RLN3: variants seen among roughly 807,000 people sequenced by gnomAD.
The protein encoded by RLN3 is relaxin 3, also known as relaxin-3.
In RLN3, 13 loss-of-function variants were observed where a neutral mutation model predicts 10.2. The ratio of observed to expected loss-of-function variants is 1.28; its 90% CI spans 0.83 to 2.03. The LOEUF (loss-of-function observed/expected upper bound fraction) is 2.03. Ranked by LOEUF, RLN3 falls within the 30% of genes most tolerant of loss-of-function variation. RLN3 has a pLI of 0.00. For missense variants in RLN3, 191 were observed against 187.2 expected, an observed-to-expected ratio of 1.02 and a Z score of -0.12; for synonymous variants, 56 against 79.2, an observed-to-expected ratio of 0.71 and a Z score of 1.56.
Position 14,031,037 on chromosome 19 carries a change from G to A in RLN3, c.*89G>A, listed in dbSNP as rs1732404271. On this transcript the variant is annotated 3_prime_UTR_variant, in exon 2 of 2. Coordinates refer to ENST00000431365, the MANE Select transcript of RLN3 (RefSeq NM_080864.4). The stretch of plus-strand genomic sequence containing the variant: ...GTGTCTGGCTGGGCACCTGTCTTTC[G>A]AGCCTCACACATTCATTCATTCATC... The A allele has an allele frequency of 1.5e-5, 14 of 911,036 alleles. No homozygotes were observed. Among genetic ancestry groups the A allele is most frequent in the South Asian group, 3.2e-5 (2 of 62,122 alleles). The allele number at this position is 911,036 out of a possible 1,614,324, so 56.4% of individuals were successfully genotyped here. A position where few individuals can be genotyped will look rare whatever the true frequency, so the allele number is the denominator to read the frequency against.
rs759196280 is a variant in RLN3, at chr19:14,028,252, C to G, written c.48C>G (p.Thr16=). 5 of 1,612,270 alleles carry G rather than the reference C, an allele frequency of 3.1e-6. No homozygotes were observed. The Admixed American group carries it at 8.4e-5, about 27-fold the overall frequency. Residue 16 remains threonine (T), a synonymous_variant, in exon 1 of 2, where the codon ACC becomes ACG. Coordinates refer to ENST00000431365, the MANE Select transcript of RLN3 (RefSeq NM_080864.4). ...LLLLLAVWVL[T]GELWPGAEAR... ...TGCTCCTGGCGGTATGGGTGCTGACCGGGGAGCTGTGGCCGGGAGCTGAGG... is the reference window on the plus strand; with the variant it reads ...TGCTCCTGGCGGTATGGGTGCTGACGGGGGAGCTGTGGCCGGGAGCTGAGG...
chr19:14,031,099 C>A lies in RLN3; in HGVS notation c.*151C>A. On this transcript the variant is annotated 3_prime_UTR_variant, in exon 2 of 2. Coordinates refer to ENST00000431365, the MANE Select transcript of RLN3 (RefSeq NM_080864.4). ...GAGGCACTGTGGGCTCAGGCACAGT[C>A]TCCCGACACCACCTATCCAACCCTG... 1.6e-6 allele frequency: 1 copy of A among 635,114 alleles called. No individual in the cohort carries two copies. Among genetic ancestry groups the A allele is most frequent in the South Asian group, 1.9e-5 (1 of 52,778 alleles). 39.3% of individuals were successfully genotyped at this position (635,114 alleles called of 1,614,324 possible). A position where few individuals can be genotyped will look rare whatever the true frequency, so the allele number is the denominator to read the frequency against.
In RLN3 at chr19:14,030,806, C is replaced by T. The variant is rs1425553674; in HGVS notation, c.287C>T (p.Ser96Leu). 2.5e-6 allele frequency: 4 copies of T among 1,614,150 alleles called. No homozygotes were observed. Among genetic ancestry groups the T allele is most frequent in the Non-Finnish European group, 3.4e-6 (4 of 1,180,004 alleles). ...GSSEWLALTK[S>L]PQAFYRGRPS... ...AGCGAGTGGCTGGCCCTGACCAAGT[C>T]ACCCCAGGCCTTTTACAGGGGGCGA... The change falls in exon 2 of 2, where the codon TCA (serine) becomes TTA (leucine). Residue 96 changes from serine to leucine, a missense_variant. Ser to Leu is a moderately radical substitution (Grantham distance 145). Coordinates refer to ENST00000431365, the MANE Select transcript of RLN3 (RefSeq NM_080864.4).
At chr19:14,030,005 T>C (rs1357400722) in intron 1 of RLN3, among the ~76,000 whole-genome samples, 1 of 151,726 alleles carries the variant, frequency 6.6e-6, no homozygotes, top group Admixed American at 6.6e-5. Context: ...TTATTATTTG[T>C]AGAGACAGGG....
Position 14,030,220 on chromosome 19 carries a change from G to A in RLN3, c.191-490G>A, listed in dbSNP as rs1474537673. 3 of 700,118 alleles carry A rather than the reference G, an allele frequency of 4.3e-6. No individual in the cohort carries two copies. The South Asian group carries it at 4.5e-5, about 10-fold the overall frequency. The allele number at this position is 700,118 out of a possible 1,614,324, so 43.4% of individuals were successfully genotyped here. ...CCTTATAAAACTTGAGAAGGTTGGA[G>A]TAATTATTTTTTTCCACTTTGCAGA... On this transcript the variant is annotated intron_variant, in intron 1 of 1. Transcript: ENST00000431365.
In RLN3 at chr19:14,028,231, C is replaced by A; in HGVS notation, c.27C>A (p.Leu9=). 6.2e-7 allele frequency: 1 copy of A among 1,605,798 alleles called. No individual in the cohort carries two copies. Among genetic ancestry groups the A allele is most frequent in the South Asian group, 1.1e-5 (1 of 90,106 alleles). ...TGGCCAGGTACATGCTGCTGCTGCT[C>A]CTGGCGGTATGGGTGCTGACCGGGG... MARYMLLL[L]LAVWVLTGEL... The change falls in exon 1 of 2, where the codon CTC becomes CTA. Residue 9 remains leucine (L), a synonymous_variant. Transcript: ENST00000431365.
chr19:14,028,458 A>C (rs919290072), intron 1 of RLN3, 64 bp downstream of exon 1: 2 of 1,452,592 alleles, frequency 1.4e-6, no homozygotes. Flanking sequence ...CCAGGAGCTA[A>C]GGACAGAGAT....
Position 14,031,039 on chromosome 19 carries a change from G to C in RLN3, c.*91G>C. On this transcript the variant is annotated 3_prime_UTR_variant, in exon 2 of 2. Coordinates refer to ENST00000431365, the MANE Select transcript of RLN3 (RefSeq NM_080864.4). ...GTCTGGCTGGGCACCTGTCTTTCGAGCCTCACACATTCATTCATTCATCTA... is the reference window on the plus strand; with the variant it reads ...GTCTGGCTGGGCACCTGTCTTTCGACCCTCACACATTCATTCATTCATCTA... 1 of 889,224 alleles carries C rather than the reference G, an allele frequency of 1.1e-6. No homozygotes were observed. The highest frequency in any genetic ancestry group is 1.6e-5 in the South Asian group (1 of 61,652). 55.1% of individuals were successfully genotyped at this position (889,224 alleles called of 1,614,324 possible).
Position 14,030,976 on chromosome 19 carries a change from A to G in RLN3, c.*28A>G. Reference sequence around the variant, plus strand: ...TGAGGGCTGGGCAGCCGTGGGCACCAGGACCAATGCCCCAGTCCTGCCATC... The same window carrying G: ...TGAGGGCTGGGCAGCCGTGGGCACCGGGACCAATGCCCCAGTCCTGCCATC... On this transcript the variant is annotated 3_prime_UTR_variant, in exon 2 of 2. Coordinates refer to ENST00000431365, the MANE Select transcript of RLN3 (RefSeq NM_080864.4). The G allele has an allele frequency of 6.9e-7, 1 of 1,451,144 alleles. No homozygotes were observed. Among genetic ancestry groups the G allele is most frequent in the South Asian group, 1.3e-5 (1 of 75,990 alleles). The allele number at this position is 1,451,144 out of a possible 1,614,324, so 89.9% of individuals were successfully genotyped here.
At position 14,030,778 on chromosome 19, in the gene RLN3, T is replaced by TC; in HGVS notation, c.261dup (p.Ser88GlnfsTer47). The TC allele has an allele frequency of 6.2e-7, 1 of 1,614,122 alleles. No homozygotes were observed. The highest frequency in any genetic ancestry group is 8.5e-7 in the Non-Finnish European group (1 of 1,180,012). The stretch of plus-strand genomic sequence containing the variant: ...AGGCGAGCTGGATGAGGCCATGGGG[T>TC]CCAGCGAGTGGCTGGCCCTGACCAA... On this transcript the variant is annotated frameshift_variant, in exon 2 of 2. Coordinates refer to ENST00000431365, the MANE Select transcript of RLN3 (RefSeq NM_080864.4). LOFTEE classifies it low-confidence loss of function (END_TRUNC).
At position 14,028,513 on chromosome 19, in the gene RLN3, C is replaced by T. The variant is rs1311505827; in HGVS notation, c.190+119C>T. The T allele has an allele frequency of 8.5e-6, 7 of 827,840 alleles. No individual in the cohort carries two copies. The East Asian group carries it at 1.9e-4, about 23-fold the overall frequency. 51.3% of individuals were successfully genotyped at this position (827,840 alleles called of 1,614,324 possible). A position where few individuals can be genotyped will look rare whatever the true frequency, so the allele number is the denominator to read the frequency against. ...AGGAGGGTCCCTGTCCTGCCACATT[C>T]AGCCAGGGACACCTGCCCAGCCTTG... On this transcript the variant is annotated intron_variant, in intron 1 of 1. Transcript: ENST00000431365.
intron 1 of RLN3, among the ~76,000 whole-genome samples, chr19:14,028,662 G>T (rs1322902655): frequency 6.6e-6 from 1 of 152,130 alleles, no homozygotes; most frequent in Admixed American, 6.6e-5. Flanking sequence ...AGACAACACC[G>T]AAGTGTTTTC....
Position 14,031,046 on chromosome 19 carries a change from ACATTCATT to A in RLN3, c.*106_*113del. 4 of 838,992 alleles carry A rather than the reference ACATTCATT, an allele frequency of 4.8e-6. No individual in the cohort carries two copies. Among genetic ancestry groups the A allele is most frequent in the Non-Finnish European group, 3.8e-6 (2 of 520,940 alleles). The allele number at this position is 838,992 out of a possible 1,614,324, so 52.0% of individuals were successfully genotyped here. A position where few individuals can be genotyped will look rare whatever the true frequency, so the allele number is the denominator to read the frequency against. On this transcript the variant is annotated 3_prime_UTR_variant, in exon 2 of 2. Coordinates refer to ENST00000431365, the MANE Select transcript of RLN3 (RefSeq NM_080864.4). ...TGGGCACCTGTCTTTCGAGCCTCAC[ACATTCATT>A]CATTCATCTACAAGTCACAGAGGCA...
chr19:14,030,169 G>GTTTTT lies in RLN3; in HGVS notation c.191-534_191-530dup, dbSNP rs553569365. 3 of 455,862 alleles carry GTTTTT rather than the reference G, an allele frequency of 6.6e-6. No individual in the cohort carries two copies. The Admixed American group carries it at 1.0e-4, about 16-fold the overall frequency. The allele number at this position is 455,862 out of a possible 1,614,324, so 28.2% of individuals were successfully genotyped here. ...CATCATGTTCCAGACATTGTTCTAAGTTTTTTTTTTTAATGAATATTAACT... is the reference window on the plus strand; with the variant it reads ...CATCATGTTCCAGACATTGTTCTAAGTTTTTTTTTTTTTTTTAATGAATATTAACT... On this transcript the variant is annotated intron_variant, in intron 1 of 1. Transcript: ENST00000431365.
chr19:14,030,907 A>C lies in RLN3; in HGVS notation c.388A>C (p.Lys130Gln). 6.3e-7 allele frequency: 1 copy of C among 1,593,486 alleles called. No homozygotes were observed. Among genetic ancestry groups the C allele is most frequent in the South Asian group, 1.1e-5 (1 of 89,362 alleles). ...VLAGLSSSCC[K>Q]WGCSKSEISS... ...GGCTGGCCTTTCCAGCAGCTGCTGC[A>C]AGTGGGGGTGTAGCAAAAGTGAAAT... Residue 130 changes from lysine (K) to glutamine (Q), a missense_variant, in exon 2 of 2, where the codon AAG becomes CAG. Transcript: ENST00000431365.
chr19:14,028,998 C>T (rs1174100889), intron 1 of RLN3, among the ~76,000 whole-genome samples: 4 of 151,992 alleles, frequency 2.6e-5, no homozygotes, highest in Admixed American at 6.6e-5. Flanking sequence ...AGGCTGGTCT[C>T]GAACTCCTGG....
In RLN3 at chr19:14,028,263, G is replaced by A; in HGVS notation, c.59G>A (p.Trp20Ter). ...LAVWVLTGELWPGAEARAAPY... is the reference protein window; with the variant it reads ...LAVWVLTGEL ...GTATGGGTGCTGACCGGGGAGCTGT[G>A]GCCGGGAGCTGAGGCCCGGGCAGCG... The change falls in exon 1 of 2, where the codon TGG (tryptophan) becomes TAG (stop). Residue 20 changes from tryptophan to a stop codon, truncating the protein, a stop_gained. Coordinates refer to ENST00000431365, the MANE Select transcript of RLN3 (RefSeq NM_080864.4). LOFTEE classifies it high-confidence loss of function. 6.2e-7 allele frequency: 1 copy of A among 1,613,348 alleles called. No individual in the cohort carries two copies. Among genetic ancestry groups the A allele is most frequent in the Non-Finnish European group, 8.5e-7 (1 of 1,179,782 alleles).
chr19:14,030,025 G>A (rs965454581), intron 1 of RLN3, among the ~76,000 whole-genome samples: 5 of 151,678 alleles, frequency 3.3e-5, no homozygotes, highest in African/African-American at 1.2e-4. Context: ...GTAGTGCTGT[G>A]TTGTCCAGGC....
intron 1 of RLN3, chr19:14,030,242 C>A: frequency 1.4e-6 from 1 of 701,230 alleles, no homozygotes; most frequent in Non-Finnish European, 2.6e-6. Context: ...TTCCACTTTG[C>A]AGAAAAGAAC....
Sources: allele counts gnomAD v4.1 joint callset (sites outside exome capture counted in the v4.1 genomes callset), GRCh38; gene constraint gnomAD v4.1.1; transcripts MANE v1.5; gene names NCBI Gene and HGNC (gene_info 2026-07-23, HGNC 2026-07-21).